Variants in ADGRG5 observed in about 807,000 individuals in gnomAD.
The protein encoded by ADGRG5 is adhesion G protein-coupled receptor G5, also known as G protein-coupled receptor 114.
In ADGRG5, 37 loss-of-function variants were observed where a neutral mutation model predicts 53.2. The ratio of observed to expected loss-of-function variants is 0.70; its 90% confidence interval spans 0.53 to 0.91. The LOEUF (loss-of-function observed/expected upper bound fraction) is 0.91, where lower values mean the gene tolerates loss of function less well. ADGRG5 is among the 40% of genes least tolerant of loss of function. The pLI, the probability that ADGRG5 is intolerant of heterozygous loss-of-function variation, is 0.00. For synonymous variants in ADGRG5, 277 were observed against 290.4 expected (o/e 0.95, Z 0.47); for missense variants, 614 against 675.8 (o/e 0.91, Z 1.01).
rs2033500529 is a variant in ADGRG5, at chr16:57,575,753, TAC to T, written c.*216_*217del. 1.9e-6 allele frequency: 1 copy of T among 522,092 alleles called. No homozygotes were observed. Among genetic ancestry groups the T allele is most frequent in the African/African-American group, 1.9e-5 (1 of 52,040 alleles). 32.3% of individuals were successfully genotyped at this position (522,092 alleles called of 1,614,324 possible). ...TTTTGCTCCGGGGCAGATCCAACCTTACCTGGGGCAGCAAACTTTGTCCTGGT... is the reference window on the plus strand; with the variant it reads ...TTTTGCTCCGGGGCAGATCCAACCTTCTGGGGCAGCAAACTTTGTCCTGGT... On this transcript the variant is annotated 3_prime_UTR_variant, in exon 12 of 12. Coordinates refer to ENST00000349457, the MANE Select transcript of ADGRG5 (RefSeq NM_001304376.3).
intron 1 of ADGRG5, among the ~76,000 whole-genome samples, chr16:57,561,738 C>A (rs79517006): frequency 6.6e-6 from 1 of 152,192 alleles, no homozygotes; most frequent in African/African-American, 2.4e-5. Context: ...TCCCAAACAC[C>A]GTCCCCCTGG....
chr16:57,568,354 A>G (rs2033205961), intron 9 of ADGRG5, among the ~76,000 whole-genome samples: 1 of 149,094 alleles, frequency 6.7e-6, no homozygotes, highest in African/African-American at 2.5e-5. Context: ...CACCTCCTCC[A>G]CCTTCATTAT....
rs548356200 is a variant in ADGRG5, at chr16:57,563,213, C to T, written c.263C>T (p.Ser88Leu). 3.7e-6 allele frequency: 6 copies of T among 1,614,160 alleles called. No individual in the cohort carries two copies. Among genetic ancestry groups the T allele is most frequent in the South Asian group, 1.1e-5 (1 of 91,084 alleles). Residue 88 changes from serine (S) to leucine (L), a missense_variant, in exon 4 of 12, where the codon TCG becomes TTG. By Grantham distance (145) the Ser-to-Leu change is moderately radical. Transcript: ENST00000349457. ...FKLSCDFSGL[S>L]LTSATLKRVP... ...CTGAGCTGTGACTTCTCTGGCCTCT[C>T]GCTGACCAGTGCCACTCTGAAGCGG...
chr16:57,537,890 C>CTCA (rs2032428133), upstream of ADGRG5, among the ~76,000 whole-genome samples: 1 of 152,054 alleles, frequency 6.6e-6, no homozygotes, highest in Non-Finnish European at 1.5e-5. Flanking sequence ...GGTTTGAGTA[C>CTCA]TCAGAGGACA....
chr16:57,564,758 G>A (rs528235961), intron 5 of ADGRG5, among the ~76,000 whole-genome samples: 2 of 152,188 alleles, frequency 1.3e-5, no homozygotes, highest in East Asian at 1.9e-4. Flanking sequence ...AAGTGAGTGA[G>A]GATAGTGGTG....
Position 57,567,502 on chromosome 16 carries a change from G to T in ADGRG5, c.732G>T (p.Leu244Phe), listed in dbSNP as rs767794071. 1.9e-5 allele frequency: 31 copies of T among 1,610,726 alleles called. No homozygotes were observed. The African/African-American group carries it at 3.7e-4, about 19-fold the overall frequency. ...CCCCAGCCCTGGTCCCTGCAGAGTT[G>T]CTGGCACCTCTTACGTACATCTCCC... The part of the protein sequence containing the change: ...QLSPALVPAE[L>F]LAPLTYISLV... The change falls in exon 8 of 12, where the codon TTG becomes TTT. Residue 244 changes from leucine (L) to phenylalanine (F), a missense_variant. Transcript: ENST00000349457.
the ADGRG5 span, among the ~76,000 whole-genome samples, chr16:57,530,886 C>A: frequency 6.6e-6 from 1 of 152,008 alleles, no homozygotes; most frequent in Non-Finnish European, 1.5e-5. Context: ...CTGTGCCAGG[C>A]TGGTTTCCAG....
chr16:57,571,656 CTTTT>C (rs61698586), intron 10 of ADGRG5, among the ~76,000 whole-genome samples: 3 of 134,022 alleles, frequency 2.2e-5, no homozygotes, highest in Non-Finnish European at 3.1e-5. Flanking sequence ...TCTTTTTTTT[CTTTT>C]TTTTTTTTTT....
In ADGRG5 at chr16:57,576,929, C is replaced by T. The variant is rs989628181; in HGVS notation, c.*1391C>T. On this transcript the variant is annotated 3_prime_UTR_variant, in exon 12 of 12. Coordinates refer to ENST00000349457, the MANE Select transcript of ADGRG5 (RefSeq NM_001304376.3). ...CCCCTGGGGAAAAGTTCTCCTGGGA[C>T]ATCTTCTGCTCTTCTGTACATTTCT... 6.6e-6 allele frequency: 1 copy of T among 152,224 alleles called. No homozygotes were observed. Among genetic ancestry groups the T allele is most frequent in the Non-Finnish European group, 1.5e-5 (1 of 68,042 alleles). 9.4% of individuals were successfully genotyped at this position (152,224 alleles called of 1,614,324 possible). A position where few individuals can be genotyped will look rare whatever the true frequency, so the allele number is the denominator to read the frequency against.
intron 10 of ADGRG5, among the ~76,000 whole-genome samples, chr16:57,570,774 G>A (rs1270886721): frequency 1.3e-5 from 2 of 152,168 alleles, no homozygotes; most frequent in Non-Finnish European, 2.9e-5. Context: ...GCGTCTGCTC[G>A]CCAACCTGCC....
At chr16:57,563,321 C>G in intron 4 of ADGRG5, 74 bp downstream of exon 4, 1 of 1,341,452 alleles carries the variant, frequency 7.5e-7, no homozygotes, top group East Asian at 2.3e-5. Flanking sequence ...AAGGTCTGGA[C>G]TTTCTTTAGG....
the ADGRG5 span, among the ~76,000 whole-genome samples, chr16:57,532,577 C>T: frequency 6.6e-6 from 1 of 152,140 alleles, no homozygotes; most frequent in African/African-American, 2.4e-5. Context: ...CACAACGACA[C>T]GGGTGCATGG....
In ADGRG5 at chr16:57,563,119, C is replaced by T; in HGVS notation, c.169C>T (p.Leu57=). The change falls in exon 4 of 12, where the codon CTG becomes TTG. Residue 57 remains leucine, a synonymous_variant. Transcript: ENST00000349457. ...RQLHQLEQML[L]NTSFPGYNLT... ...ACTCCACCAGCTGGAGCAGATGCTA[C>T]TGAACACCAGCTTCCCAGGCTACAA... 6.2e-7 allele frequency: 1 copy of T among 1,614,210 alleles called. No homozygotes were observed. Among genetic ancestry groups the T allele is most frequent in the Non-Finnish European group, 8.5e-7 (1 of 1,180,018 alleles).
the ADGRG5 span, among the ~76,000 whole-genome samples, chr16:57,532,352 T>G: frequency 6.6e-6 from 1 of 152,114 alleles, no homozygotes; most frequent in Non-Finnish European, 1.5e-5. Flanking sequence ...GCCATACAGA[T>G]CCAGGCTCTG....
rs1392328791 is a variant in ADGRG5, at chr16:57,576,585, C to G, written c.*1047C>G. 1 of 152,198 alleles carries G rather than the reference C, an allele frequency of 6.6e-6. No individual in the cohort carries two copies. Among genetic ancestry groups the G allele is most frequent in the Non-Finnish European group, 1.5e-5 (1 of 68,052 alleles). 9.4% of individuals were successfully genotyped at this position (152,198 alleles called of 1,614,324 possible). A position where few individuals can be genotyped will look rare whatever the true frequency, so the allele number is the denominator to read the frequency against. ...GGCACCGTTGGTCCACACTCAGAGG[C>G]CCTTGGCGCCAAGACTGCATCTAGA... On this transcript the variant is annotated 3_prime_UTR_variant, in exon 12 of 12. Transcript: ENST00000349457.
chr16:57,541,409 G>A (rs2032487741), upstream of ADGRG5, among the ~76,000 whole-genome samples: 1 of 152,150 alleles, frequency 6.6e-6, no homozygotes, highest in South Asian at 2.1e-4. Context: ...GCAAAGAAGG[G>A]CCAAGGCTTG....
upstream of ADGRG5, among the ~76,000 whole-genome samples, chr16:57,539,670 C>T (rs2032462102): frequency 6.6e-6 from 1 of 150,896 alleles, no homozygotes; most frequent in South Asian, 2.1e-4. Flanking sequence ...CCAGGCTGGT[C>T]TCGAACTCCT....
At chr16:57,554,588 G>C (rs1476286857) in intron 1 of ADGRG5, among the ~76,000 whole-genome samples, 1 of 152,104 alleles carries the variant, frequency 6.6e-6, no homozygotes, top group South Asian at 2.1e-4. Context: ...GTGTTAGCCA[G>C]GATGGTCTCA....
upstream of ADGRG5, among the ~76,000 whole-genome samples, chr16:57,540,691 A>T (rs1483729668): frequency 1.3e-5 from 2 of 152,156 alleles, no homozygotes; most frequent in African/African-American, 4.8e-5. Flanking sequence ...CCGAGCAGGG[A>T]GGTGGGTATT....
Sources: gnomAD v4.1 joint callset for allele counts (sites outside exome capture counted in the v4.1 genomes callset) on GRCh38, gnomAD v4.1.1 for gene constraint, MANE v1.5 for transcripts, NCBI Gene and HGNC (gene_info 2026-07-23, HGNC 2026-07-21) for gene names.